GPR137: variants seen among roughly 807,000 people sequenced by gnomAD.
GPR137 encodes integral membrane protein GPR137.
GPR137 carries 20 observed loss-of-function variants against 38.9 expected under a neutral mutation model. The ratio of observed to expected loss-of-function variants is 0.51; its 90% CI spans 0.36 to 0.75. The LOEUF (loss-of-function observed/expected upper bound fraction) is 0.75, where lower values mean the gene tolerates loss of function less well. Ranked by LOEUF, GPR137 falls within the 30% of genes least tolerant of loss-of-function variation. The pLI is 0.00. For missense variants in GPR137, 456 were observed against 526.4 expected (o/e 0.87, Z 1.31); for synonymous variants, 226 against 235.8 (o/e 0.96, Z 0.38).
Position 64,289,150 on chromosome 11 carries a change from G to T in GPR137, c.1145G>T (p.Gly382Val). ...TTPLLFSQVP[G>V]PGGHHHSLYS... ...CCTCTGCTCTTCTCCCAGGTGCCAG[G>T]ACCAGGCGGCCACCACCACAGTCTC... The change falls in exon 7 of 7, where the codon GGA becomes GTA. Residue 382 changes from glycine (G) to valine (V), a missense_variant. Transcript: ENST00000438980. The T allele has an allele frequency of 6.2e-7, 1 of 1,613,732 alleles. No individual in the cohort carries two copies.
chr11:64,286,735 G>A lies in GPR137; in HGVS notation c.211G>A (p.Ala71Thr), dbSNP rs2034115008. 6.2e-7 allele frequency: 1 copy of A among 1,613,152 alleles called. No homozygotes were observed. Among genetic ancestry groups the A allele is most frequent in the Non-Finnish European group, 8.5e-7 (1 of 1,179,438 alleles). ...VFLALCLLWA[A>T]LRTTLFSFYF... ...CCTGGCCCTCTGTCTGCTCTGGGCC[G>A]CCTTGCGTACCACCCTCTTCTCCTT... Residue 71 changes from alanine (A) to threonine (T), a missense_variant, in exon 1 of 7, where the codon GCC (alanine) becomes ACC (threonine). Coordinates refer to ENST00000438980, the MANE Select transcript of GPR137 (RefSeq NM_001170880.2).
rs79357476 is a variant in GPR137 at position 64,287,359 on chromosome 11, C to T, written c.407+345C>T. 933 of 953,898 alleles carry T rather than the reference C, an allele frequency of 9.8e-4. 6 individuals are homozygous for T. In the African/African-American group the frequency reaches 0.014, roughly 14 times the overall value. The allele number at this position is 953,898 out of a possible 1,614,324, so 59.1% of individuals were successfully genotyped here. On this transcript the variant is annotated intron_variant, in intron 2 of 6. Transcript: ENST00000438980. ...CCCTCGTCATTTGTACAGTGTCTTA[C>T]GGTTTATAAAGAGCTTTCCCAGCCA...
upstream of GPR137, chr11:64,284,338 C>A: frequency 6.2e-7 from 1 of 1,612,992 alleles, no homozygotes; most frequent in Non-Finnish European, 8.5e-7. Context: ...TCTTCCTGCT[C>A]ACTCGGCTCA....
At chr11:64,282,052 A>G (rs1020343057), upstream of GPR137, among the ~76,000 whole-genome samples, 21 of 152,204 alleles carry the variant, frequency 1.4e-4, no homozygotes, top group Admixed American at 9.2e-4. Context: ...CCCCCATACA[A>G]ATCTTCTCAC....
chr11:64,279,720 G>C (rs2033307970), upstream of GPR137, among the ~76,000 whole-genome samples: 1 of 141,180 alleles, frequency 7.1e-6, no homozygotes. Flanking sequence ...CCGAGATCGT[G>C]CCACTGCACT....
At chr11:64,284,438 C>G (rs2033712155), upstream of GPR137, 1 of 1,604,894 alleles carries the variant, frequency 6.2e-7, no homozygotes, top group South Asian at 1.1e-5. Context: ...CCCTGGAAGG[C>G]AGAGGCAGGT....
chr11:64,284,154 C>G (rs1429529861), upstream of GPR137: 3 of 1,543,060 alleles, frequency 1.9e-6, no homozygotes, highest in Admixed American at 2.0e-5. Context: ...TGAGGTGTCC[C>G]GGCAGGTGGA....
upstream of GPR137, chr11:64,270,749 C>T (rs981726352): frequency 6.4e-6 from 3 of 466,038 alleles, no homozygotes; most frequent in African/African-American, 2.0e-5. Context: ...GAGCCGTGAT[C>T]GCACCACTGC....
upstream of GPR137, among the ~76,000 whole-genome samples, chr11:64,281,962 G>A (rs2033506728): frequency 6.6e-6 from 1 of 152,120 alleles, no homozygotes; most frequent in African/African-American, 2.4e-5. Flanking sequence ...CTTGTGATAC[G>A]CCCACCTAGG....
In GPR137 at chr11:64,288,724, A is replaced by G; in HGVS notation, c.1031+3A>G. The G allele has an allele frequency of 4.5e-6, 7 of 1,546,462 alleles. No homozygotes were observed. Among genetic ancestry groups the G allele is most frequent in the Non-Finnish European group, 6.1e-6 (7 of 1,144,184 alleles). Reference sequence around the variant, plus strand: ...CACAGCCGGGGTGAGAGCACCAGGTAGGAGCCGTGGCACTGCCTCAGTACC... The same window carrying G: ...CACAGCCGGGGTGAGAGCACCAGGTGGGAGCCGTGGCACTGCCTCAGTACC... On this transcript the variant is annotated splice_donor_region_variant and intron_variant, in intron 6 of 6. Transcript: ENST00000438980. This position sits in a 1 kb window ranked among gnomAD's most constrained non-coding sequence, Gnocchi z 5.5.
chr11:64,285,843 G>A (rs901711577), upstream of GPR137: 3 of 985,106 alleles, frequency 3.0e-6, no homozygotes, highest in South Asian at 4.7e-5. Context: ...GAGGGGGAGG[G>A]GGGCGGAGCA....
upstream of GPR137, chr11:64,285,294 G>T (rs2033824485): frequency 2.0e-6 from 2 of 985,840 alleles, no homozygotes; most frequent in Non-Finnish European, 2.4e-6. Context: ...TGGGATGGCT[G>T]CCCGGGCGCG....
In GPR137 at chr11:64,286,951, A is replaced by G. The variant is rs2034152752; in HGVS notation, c.358-14A>G. ...TCAAGGACCCACAGGAGTGAAGGGC[A>G]TCTCTGCTCCTAGGTGGTGTTCAAG... On this transcript the variant is annotated splice_polypyrimidine_tract_variant and intron_variant, in intron 1 of 6. Coordinates refer to ENST00000438980, the MANE Select transcript of GPR137 (RefSeq NM_001170880.2). 6.2e-7 allele frequency: 1 copy of G among 1,613,876 alleles called. No homozygotes were observed.
rs771296706 is a variant in GPR137 at position 64,286,531 on chromosome 11, A to G, written c.7A>G (p.Ser3Gly). Residue 3 changes from serine to glycine, a missense_variant, in exon 1 of 7, where the codon AGT becomes GGT. Transcript: ENST00000438980. The stretch of plus-strand genomic sequence containing the variant: ...TCAGGCCTCCCTCCCTGACATGGAG[A>G]GTAACCTGTCTGGCCTGGTGCCTGC... ME[S>G]NLSGLVPAAG... The G allele has an allele frequency of 5.6e-6, 9 of 1,609,788 alleles. No homozygotes were observed. Among genetic ancestry groups the G allele is most frequent in the Admixed American group, 5.0e-5 (3 of 59,594 alleles).
At chr11:64,276,925 G>A (rs753073812) in intron 2 of GPR137, 14 of 761,698 alleles carry the variant, frequency 1.8e-5, no homozygotes, top group Middle Eastern at 2.3e-4. Flanking sequence ...CATTCTCTGC[G>A]TGTTGGGCTT....
At chr11:64,287,480 G>A (rs528437469) in intron 2 of GPR137, 14 of 580,412 alleles carry the variant, frequency 2.4e-5, no homozygotes, top group South Asian at 1.5e-4. Flanking sequence ...GATCAAGGTC[G>A]CAGAGCTGGG....
At chr11:64,284,456 G>T, upstream of GPR137, 1 of 1,599,736 alleles carries the variant, frequency 6.3e-7, no homozygotes, top group Non-Finnish European at 8.5e-7. Context: ...GGTACCCCTG[G>T]CTTCCTCTCC....
chr11:64,285,104 CCGT>C, upstream of GPR137: 1 of 1,056,242 alleles, frequency 9.5e-7, no homozygotes. Context: ...TGAAGCTCAG[CCGT>C]CGGATGTGAT....
upstream of GPR137, chr11:64,272,646 C>T (rs532842876): frequency 6.6e-6 from 1 of 152,336 alleles, no homozygotes; most frequent in Admixed American, 6.5e-5. Context: ...TTATTATCCT[C>T]CTAACCACCC....
Sources: allele counts gnomAD v4.1 joint callset (sites outside exome capture counted in the v4.1 genomes callset), GRCh38; gene constraint gnomAD v4.1.1; non-coding constraint Gnocchi (gnomAD v3.1); transcripts MANE v1.5; gene names NCBI Gene and HGNC (gene_info 2026-07-23, HGNC 2026-07-21).